The following SPSB4 variants were observed in gnomAD, a reference collection of about 807,000 sequenced individuals.
The protein encoded by SPSB4 is SPRY domain-containing SOCS box protein 4.
Under a neutral mutation model 20.9 loss-of-function variants are expected in SPSB4, and 21 were observed. The ratio of observed to expected loss-of-function variants is 1.01; its 90% CI spans 0.71 to 1.45. SPSB4 has a LOEUF of 1.45. SPSB4 is among the 40% of genes most tolerant of loss of function. SPSB4 has a pLI of 0.00. For synonymous variants in SPSB4, 207 were observed against 183.8 expected (o/e 1.13, Z -1.02); for missense variants, 399 against 399.2 (o/e 1.00, Z 0.00).
Position 141,066,540 on chromosome 3 carries a change from C to A in SPSB4, c.436C>A (p.Arg146Ser). Residue 146 changes from arginine to serine, a missense_variant, in exon 2 of 3, where the codon CGC becomes AGC. Coordinates refer to ENST00000310546, the MANE Select transcript of SPSB4 (RefSeq NM_080862.3). ...CGAGTCGTGGGGCTGGGACCTGGGC[C>A]GCAGCCGCCTCTACCACGACGGCAA... Reference protein sequence around the residue: ...DAESWGWDLGRSRLYHDGKNQ... With the variant: ...DAESWGWDLGSSRLYHDGKNQ... 6.6e-7 allele frequency: 1 copy of A among 1,515,564 alleles called. No individual in the cohort carries two copies. The highest frequency in any genetic ancestry group is 8.8e-7 in the Non-Finnish European group (1 of 1,130,674). The allele number at this position is 1,515,564 out of a possible 1,614,324, so 93.9% of individuals were successfully genotyped here. A position where few individuals can be genotyped will look rare whatever the true frequency, so the allele number is the denominator to read the frequency against.
chr3:141,136,860 T>C (rs1416952751), intron 2 of SPSB4, among the ~76,000 whole-genome samples: 2 of 152,212 alleles, frequency 1.3e-5, no homozygotes, highest in Non-Finnish European at 2.9e-5. Flanking sequence ...AAAGTAGTTT[T>C]TTCCAATTCT....
chr3:141,142,878 A>G (rs1223035759), intron 2 of SPSB4, among the ~76,000 whole-genome samples: 9 of 127,310 alleles, frequency 7.1e-5, no homozygotes, highest in South Asian at 2.6e-4. Context: ...GTGCAGTGGC[A>G]TGATCTCAGC....
At chr3:141,063,317 T>A (rs1937801046) in intron 1 of SPSB4, among the ~76,000 whole-genome samples, 1 of 152,232 alleles carries the variant, frequency 6.6e-6, no homozygotes, top group Non-Finnish European at 1.5e-5. Flanking sequence ...CCCAGTCTTA[T>A]AATCTTTTTT....
At chr3:141,111,682 G>T (rs934968096) in intron 2 of SPSB4, among the ~76,000 whole-genome samples, 2 of 152,102 alleles carry the variant, frequency 1.3e-5, no homozygotes, top group East Asian at 3.9e-4. Flanking sequence ...GTTCTTTAGG[G>T]CCCCATTAAT....
intron 2 of SPSB4, among the ~76,000 whole-genome samples, chr3:141,133,029 G>A (rs977581779): frequency 1.3e-5 from 2 of 152,048 alleles, no homozygotes; most frequent in African/African-American, 4.8e-5. Context: ...TTTCATTGTG[G>A]TTTTAATTTG....
chr3:141,111,904 C>A (rs764209767), intron 2 of SPSB4, among the ~76,000 whole-genome samples: 4 of 152,200 alleles, frequency 2.6e-5, no homozygotes, highest in Non-Finnish European at 5.9e-5. Flanking sequence ...GACCTCAAAG[C>A]CCTGCCTTAT....
At chr3:141,130,126 T>C (rs544554998) in intron 2 of SPSB4, among the ~76,000 whole-genome samples, 1 of 152,350 alleles carries the variant, frequency 6.6e-6, no homozygotes, top group African/African-American at 2.4e-5. Flanking sequence ...TGCCATATTT[T>C]AGAAGTAGCA....
At chr3:141,124,189 T>C (rs905202006) in intron 2 of SPSB4, 1 of 152,160 alleles carries the variant, frequency 6.6e-6, no homozygotes, top group Non-Finnish European at 1.5e-5. Flanking sequence ...GAACCTACAA[T>C]ATCCAAAGCA....
chr3:141,071,000 T>C (rs1937992092), intron 2 of SPSB4, among the ~76,000 whole-genome samples: 1 of 152,206 alleles, frequency 6.6e-6, no homozygotes, highest in African/African-American at 2.4e-5. Flanking sequence ...GTCCCTGTCA[T>C]TTTTCCTCCT....
chr3:141,052,544 A>C (rs1409240748), intron 1 of SPSB4, among the ~76,000 whole-genome samples: 1 of 152,122 alleles, frequency 6.6e-6, no homozygotes. Flanking sequence ...TAATGGGGAC[A>C]ATAATTCCTG....
intron 2 of SPSB4, among the ~76,000 whole-genome samples, chr3:141,121,791 T>C (rs1938971458): frequency 6.6e-6 from 1 of 152,226 alleles, no homozygotes; most frequent in African/African-American, 2.4e-5. Context: ...CTCTACACTG[T>C]TTATTCTAGT....
chr3:141,117,977 T>A (rs1938904607), intron 2 of SPSB4, among the ~76,000 whole-genome samples: 1 of 152,220 alleles, frequency 6.6e-6, no homozygotes, highest in Non-Finnish European at 1.5e-5. Context: ...TGTGCATGTG[T>A]CTTTATTGTA....
At chr3:141,090,856 T>A (rs974826735) in intron 2 of SPSB4, among the ~76,000 whole-genome samples, 16 of 152,172 alleles carry the variant, frequency 1.1e-4, no homozygotes, top group African/African-American at 3.9e-4. Context: ...GGAGGCTATT[T>A]CAATTAAGGT....
intron 2 of SPSB4, among the ~76,000 whole-genome samples, chr3:141,122,400 T>G (rs922824320): frequency 3.3e-5 from 5 of 152,200 alleles, no homozygotes; most frequent in African/African-American, 1.2e-4. Context: ...GGAGGCAGTC[T>G]GTTCATTCTC....
At chr3:141,086,105 G>A (rs7620622) in intron 2 of SPSB4, among the ~76,000 whole-genome samples, 54,371 of 152,126 alleles carry the variant, frequency 0.36, 13,393 homozygotes, top group African/African-American at 0.7. Context: ...CCAAAATGCA[G>A]TAATACAGAA....
At chr3:141,062,656 G>A (rs1937787532) in intron 1 of SPSB4, among the ~76,000 whole-genome samples, 1 of 152,164 alleles carries the variant, frequency 6.6e-6, no homozygotes, top group Non-Finnish European at 1.5e-5. Flanking sequence ...GGGTCAAGTT[G>A]TTTAAAGAAT....
At chr3:141,143,285 G>A (rs1178192578) in intron 2 of SPSB4, among the ~76,000 whole-genome samples, 6 of 152,200 alleles carry the variant, frequency 3.9e-5, no homozygotes, top group African/African-American at 1.4e-4. Flanking sequence ...GAAGACAGCA[G>A]ATACTTGGTT....
chr3:141,094,880 G>T lies in SPSB4; in HGVS notation c.694+28082G>T, dbSNP rs6786772. Among the ~76,000 whole-genome samples, 3 of 149,554 alleles carry T rather than the reference G, an allele frequency of 2.0e-5. No individual in the cohort carries two copies. In the South Asian group the frequency reaches 6.4e-4, roughly 32 times the overall value. ...CCTATCCCTTGTGTTGGCTCACCCT[G>T]TAGCTGGCTGAGGACAAGCCTCTCC... On this transcript the variant is annotated intron_variant, in intron 2 of 2. Transcript: ENST00000310546.
At chr3:141,142,097 T>C (rs914229202) in intron 2 of SPSB4, among the ~76,000 whole-genome samples, 3 of 152,256 alleles carry the variant, frequency 2.0e-5, no homozygotes, top group Non-Finnish European at 4.4e-5. Context: ...GAGTTTAGTT[T>C]GTTCTTGTTT....
Sources: allele counts gnomAD v4.1 joint callset (sites outside exome capture counted in the v4.1 genomes callset), GRCh38; gene constraint gnomAD v4.1.1; transcripts MANE v1.5; gene names NCBI Gene and HGNC (gene_info 2026-07-23, HGNC 2026-07-21).